ZIC1: variants seen among roughly 807,000 people sequenced by gnomAD.
The protein encoded by ZIC1 is Zic family zinc finger 1, also known as zinc finger protein ZIC 1.
A neutral mutation model predicts 30.9 loss-of-function variants in ZIC1; 4 were observed. The observed-to-expected ratio is 0.13, with a 90% CI of 0.06 to 0.30. ZIC1 has a LOEUF of 0.30. Ranked by LOEUF, ZIC1 falls within the 10% of genes least tolerant of loss-of-function variation. The pLI, the probability that ZIC1 is intolerant of heterozygous loss-of-function variation, is 1.00. For missense variants in ZIC1, 441 were observed against 639.3 expected, an observed-to-expected ratio of 0.69 and a Z score of 3.34; for synonymous variants, 305 against 277.5, an observed-to-expected ratio of 1.10 and a Z score of -0.98.
In ZIC1 at chr3:147,410,184, C is replaced by G. The variant is rs1244774569; in HGVS notation, c.72C>G (p.Ser24=). Residue 24 remains serine (S), a synonymous_variant, in exon 1 of 3, where the codon TCC becomes TCG. Coordinates refer to ENST00000282928, the MANE Select transcript of ZIC1 (RefSeq NM_003412.4). ...CCTTTGGCGCGTCCCGCCACCACTC[C>G]GCGGGCGACGTGGCCGAACGAGACG... ...VTTFGASRHH[S]AGDVAERDVG... is the part of the protein sequence containing the mutation. 7 of 1,600,370 alleles carry G rather than the reference C, an allele frequency of 4.4e-6. No homozygotes were observed. In the East Asian group the frequency reaches 6.7e-5, roughly 15 times the overall value.
At position 147,413,571 on chromosome 3, in the gene ZIC1, A is replaced by G; in HGVS notation, c.*20A>G. On this transcript the variant is annotated 3_prime_UTR_variant, in exon 3 of 3. Coordinates refer to ENST00000282928, the MANE Select transcript of ZIC1 (RefSeq NM_003412.4). ...GTTTAAAATCAGAAACAAAACATCG[A>G]ACAAAACCCTATTTAAGAGACTGAT... 2 of 1,613,378 alleles carry G rather than the reference A, an allele frequency of 1.2e-6. No homozygotes were observed. Among genetic ancestry groups the G allele is most frequent in the South Asian group, 1.1e-5 (1 of 91,028 alleles).
In ZIC1 at chr3:147,412,602, A is replaced by G; in HGVS notation, c.1067A>G (p.His356Arg). Residue 356 changes from histidine to arginine, a missense_variant, in exon 2 of 3, where the codon CAC (histidine) becomes CGC (arginine). This residue lies in a region of ZIC1 where 14 missense variants were observed against 99.8 expected (regional missense o/e 0.14). Coordinates refer to ENST00000282928, the MANE Select transcript of ZIC1 (RefSeq NM_003412.4). ...GACCGCAAGAAGCACATGCACGTGC[A>G]CACGAGCGACAAGCCCTATCTTTGC... ...SSDRKKHMHVHTSDKPYLCKM... is the reference protein window; with the variant it reads ...SSDRKKHMHVRTSDKPYLCKM... 6.2e-7 allele frequency: 1 copy of G among 1,614,242 alleles called. No individual in the cohort carries two copies. Among genetic ancestry groups the G allele is most frequent in the Non-Finnish European group, 8.5e-7 (1 of 1,180,048 alleles).
In ZIC1 at chr3:147,412,088, G is replaced by T. The variant is rs1559970601; in HGVS notation, c.983-430G>T. On this transcript the variant is annotated intron_variant, in intron 1 of 2. Transcript: ENST00000282928. ...GGGAGTGGGGTGGGTTGGAGGAGGC[G>T]ACCAGGGGATGCGGAGCGTCGGGGA... is the stretch of plus-strand genomic sequence containing the variant. Among the ~76,000 whole-genome samples, 4 of 152,078 alleles carry T rather than the reference G, an allele frequency of 2.6e-5. No individual in the cohort carries two copies. In the South Asian group the frequency reaches 8.3e-4, roughly 32 times the overall value.
rs771177965 is a variant in ZIC1 at position 147,411,146 on chromosome 3, C to T, written c.982+52C>T. ...CCCATTCCCACTTGGGCCTGGGACC[C>T]AAACCGAAAGTCAGCGGCCAGGTCG... On this transcript the variant is annotated intron_variant, in intron 1 of 2. Transcript: ENST00000282928. The T allele has an allele frequency of 7.7e-5, 119 of 1,552,328 alleles. No individual in the cohort carries two copies. The South Asian group carries it at 1.4e-3, about 18-fold the overall frequency.
rs2087358976 is a variant in ZIC1 at position 147,410,394 on chromosome 3, C to G, written c.282C>G (p.Phe94Leu). The part of the protein sequence containing the change: ...GHVGSYSSAA[F>L]NSTRDFLFRN... ...TCGGCTCCTATTCCAGCGCAGCCTT[C>G]AACTCCACGCGGGACTTTCTGTTCC... Residue 94 changes from phenylalanine to leucine, a missense_variant, in exon 1 of 3, where the codon TTC becomes TTG. This residue lies in a region of ZIC1 where 307 missense variants were observed against 355.3 expected (regional missense o/e 0.86). Coordinates refer to ENST00000282928, the MANE Select transcript of ZIC1 (RefSeq NM_003412.4). The G allele has an allele frequency of 6.2e-7, 1 of 1,602,572 alleles. No individual in the cohort carries two copies. Among genetic ancestry groups the G allele is most frequent in the Non-Finnish European group, 8.5e-7 (1 of 1,179,698 alleles).
Position 147,409,529 on chromosome 3 carries a change from CTTT to C in ZIC1, c.-568_-566del, listed in dbSNP as rs57723801. On this transcript the variant is annotated 5_prime_UTR_variant, in exon 1 of 3. Coordinates refer to ENST00000282928, the MANE Select transcript of ZIC1 (RefSeq NM_003412.4). ...CTTTCTTTCTTCACCCCCCCACCCA[CTTT>C]TTTTTTTTTTTTTTTCAAAAAGCAG... The C allele has an allele frequency of 1.5e-5, 2 of 132,358 alleles. No individual in the cohort carries two copies. 8.2% of individuals were successfully genotyped at this position (132,358 alleles called of 1,614,324 possible). A position where few individuals can be genotyped will look rare whatever the true frequency, so the allele number is the denominator to read the frequency against.
Position 147,409,972 on chromosome 3 carries a change from G to T in ZIC1, c.-141G>T, listed in dbSNP as rs1479180004. 1 of 951,168 alleles carries T rather than the reference G, an allele frequency of 1.1e-6. No individual in the cohort carries two copies. 58.9% of individuals were successfully genotyped at this position (951,168 alleles called of 1,614,324 possible). The stretch of plus-strand genomic sequence containing the variant: ...TGCCTGCAGGCTAGGACTTCGCGAG[G>T]TGGGTCGACTCCCCCTCCCTCCTCC... On this transcript the variant is annotated 5_prime_UTR_variant, in exon 1 of 3. Coordinates refer to ENST00000282928, the MANE Select transcript of ZIC1 (RefSeq NM_003412.4).
chr3:147,410,470 C>T lies in ZIC1; in HGVS notation c.358C>T (p.Leu120Phe). ...GGCGGCAGCCAGCGCACAGCACAGC[C>T]TCTTTGCTGCATCGGCCGGGGGCTT... ...AAAAASAQHS[L>F]FAASAGGFGG... The change falls in exon 1 of 3, where the codon CTC becomes TTC. Residue 120 changes from leucine (L) to phenylalanine (F), a missense_variant. This residue lies in a region of ZIC1 where 307 missense variants were observed against 355.3 expected (regional missense o/e 0.86). Transcript: ENST00000282928. 1.2e-6 allele frequency: 2 copies of T among 1,605,938 alleles called. No homozygotes were observed. Among genetic ancestry groups the T allele is most frequent in the Non-Finnish European group, 1.7e-6 (2 of 1,179,296 alleles).
At position 147,410,957 on chromosome 3, in the gene ZIC1, C is replaced by A; in HGVS notation, c.845C>A (p.Pro282His). 1 of 1,614,254 alleles carries A rather than the reference C, an allele frequency of 6.2e-7. No homozygotes were observed. The highest frequency in any genetic ancestry group is 2.2e-5 in the East Asian group (1 of 44,874). ...FWEECPREGK[P>H]FKAKYKLVNH... is the part of the protein sequence containing the mutation. ...GAGGAGTGTCCGCGCGAGGGCAAGC[C>A]CTTCAAAGCCAAATACAAACTGGTT... The change falls in exon 1 of 3, where the codon CCC becomes CAC. Residue 282 changes from proline (P) to histidine (H), a missense_variant. Pro to His is a moderately conservative substitution (Grantham distance 77, BLOSUM62 -2). This residue lies in a region of ZIC1 where 33 missense variants were observed against 66.5 expected (regional missense o/e 0.50). Transcript: ENST00000282928.
intron 2 of ZIC1, 92 bp from the exon 3 acceptor site, chr3:147,413,262 T>A: frequency 7.2e-7 from 1 of 1,398,318 alleles, no homozygotes; most frequent in Non-Finnish European, 9.8e-7. Flanking sequence ...CTCCAAGGGG[T>A]CCAGGAGGAA....
At chr3:147,411,641 C>T (rs2087379759) in intron 1 of ZIC1, among the ~76,000 whole-genome samples, 1 of 152,056 alleles carries the variant, frequency 6.6e-6, no homozygotes, top group Non-Finnish European at 1.5e-5. Flanking sequence ...GCTTTTGGAG[C>T]TTTATGCATA....
Position 147,410,611 on chromosome 3 carries a change from T to A in ZIC1, c.499T>A (p.Phe167Ile). 1 of 1,613,336 alleles carries A rather than the reference T, an allele frequency of 6.2e-7. No homozygotes were observed. The highest frequency in any genetic ancestry group is 8.5e-7 in the Non-Finnish European group (1 of 1,179,866). ...NVVNGQMRLG[F>I]SGDMYPRPEQ... ...GGTCAACGGGCAGATGAGGCTCGGC[T>A]TCTCGGGGGACATGTACCCGCGACC... The change falls in exon 1 of 3, where the codon TTC (phenylalanine) becomes ATC (isoleucine). Residue 167 changes from phenylalanine to isoleucine, a missense_variant. Phe to Ile is a conservative substitution (Grantham distance 21). Transcript: ENST00000282928.
In ZIC1 at chr3:147,416,247, A is replaced by G. The variant is rs1361930130; in HGVS notation, c.*2696A>G. 6.6e-6 allele frequency: 1 copy of G among 152,264 alleles called. No homozygotes were observed. Among genetic ancestry groups the G allele is most frequent in the Non-Finnish European group, 1.5e-5 (1 of 68,042 alleles). 9.4% of individuals were successfully genotyped at this position (152,264 alleles called of 1,614,324 possible). A position where few individuals can be genotyped will look rare whatever the true frequency, so the allele number is the denominator to read the frequency against. Reference sequence around the variant, plus strand: ...TTCTCTCTAGAAAAGATAACACCACAATTAATAATCCTTCCCACTTTCATT... The same window carrying G: ...TTCTCTCTAGAAAAGATAACACCACGATTAATAATCCTTCCCACTTTCATT... On this transcript the variant is annotated 3_prime_UTR_variant, in exon 3 of 3. Transcript: ENST00000282928.
In ZIC1 at chr3:147,410,437, G is replaced by A; in HGVS notation, c.325G>A (p.Asp109Asn). ...TCTGTTCCGCAACCGGGGTTTTGGC[G>A]ACGCGGCGGCGGCAGCCAGCGCACA... Reference protein sequence around the residue: ...DFLFRNRGFGDAAAAASAQHS... With the variant: ...DFLFRNRGFGNAAAAASAQHS... The change falls in exon 1 of 3, where the codon GAC becomes AAC. Residue 109 changes from aspartate to asparagine, a missense_variant. Coordinates refer to ENST00000282928, the MANE Select transcript of ZIC1 (RefSeq NM_003412.4). The A allele has an allele frequency of 6.2e-7, 1 of 1,603,484 alleles. No individual in the cohort carries two copies. The highest frequency in any genetic ancestry group is 8.5e-7 in the Non-Finnish European group (1 of 1,179,590).
chr3:147,411,187 G>T (rs2087373266), intron 1 of ZIC1, 93 bp downstream of exon 1: 7 of 1,504,470 alleles, frequency 4.7e-6, no homozygotes, highest in Non-Finnish European at 6.2e-6. Flanking sequence ...ACGCAGCCTC[G>T]GTGGGATCCC....
In ZIC1 at chr3:147,409,989, C is replaced by A; in HGVS notation, c.-124C>A. On this transcript the variant is annotated 5_prime_UTR_variant, in exon 1 of 3. Transcript: ENST00000282928. The stretch of plus-strand genomic sequence containing the variant: ...TTCGCGAGGTGGGTCGACTCCCCCT[C>A]CCTCCTCCTCTTCTTCCTCCTCTTC... 1 of 1,091,876 alleles carries A rather than the reference C, an allele frequency of 9.2e-7. No individual in the cohort carries two copies. Among genetic ancestry groups the A allele is most frequent in the Admixed American group, 3.2e-5 (1 of 30,770 alleles). The allele number at this position is 1,091,876 out of a possible 1,614,324, so 67.6% of individuals were successfully genotyped here.
chr3:147,411,477 C>T (rs922148507), intron 1 of ZIC1, among the ~76,000 whole-genome samples: 1 of 152,102 alleles, frequency 6.6e-6, no homozygotes, highest in African/African-American at 2.4e-5. Flanking sequence ...TTGCTTGCTG[C>T]CAACATCTCT....
At position 147,411,138 on chromosome 3, in the gene ZIC1, C is replaced by G. The variant is rs1290138093; in HGVS notation, c.982+44C>G. The G allele has an allele frequency of 2.6e-6, 4 of 1,565,042 alleles. No individual in the cohort carries two copies. In the Admixed American group the frequency reaches 5.6e-5, roughly 22 times the overall value. The stretch of plus-strand genomic sequence containing the variant: ...GACCCCTACCCATTCCCACTTGGGC[C>G]TGGGACCCAAACCGAAAGTCAGCGG... On this transcript the variant is annotated intron_variant, in intron 1 of 2. Coordinates refer to ENST00000282928, the MANE Select transcript of ZIC1 (RefSeq NM_003412.4).
rs929298289 is a variant in ZIC1, at chr3:147,414,856, A to G, written c.*1305A>G. The G allele has an allele frequency of 2.0e-5, 3 of 152,678 alleles. No individual in the cohort carries two copies. Among genetic ancestry groups the G allele is most frequent in the African/African-American group, 7.2e-5 (3 of 41,466 alleles). 9.5% of individuals were successfully genotyped at this position (152,678 alleles called of 1,614,324 possible). A position where few individuals can be genotyped will look rare whatever the true frequency, so the allele number is the denominator to read the frequency against. On this transcript the variant is annotated 3_prime_UTR_variant, in exon 3 of 3. Coordinates refer to ENST00000282928, the MANE Select transcript of ZIC1 (RefSeq NM_003412.4). ...AGGAATAGATTGCACAGGCGACATC[A>G]ATATTAATGTAGACGAATTGTCAGA...
Sources: allele counts gnomAD v4.1 joint callset (sites outside exome capture counted in the v4.1 genomes callset), GRCh38; gene constraint gnomAD v4.1.1; regional missense constraint gnomAD v4.1.1; transcripts MANE v1.5; gene names NCBI Gene and HGNC (gene_info 2026-07-23, HGNC 2026-07-21).